Variants in SH3GL2 observed in about 807,000 individuals in gnomAD.
SH3GL2 encodes the protein SH3 domain containing GRB2 like 2, endophilin A1.
Under a neutral mutation model 46.0 loss-of-function variants are expected in SH3GL2, and 24 were observed. The ratio of observed to expected loss-of-function variants is 0.52; its 90% CI spans 0.38 to 0.73. SH3GL2 has a LOEUF of 0.73. SH3GL2 is among the 30% of genes least tolerant of loss of function. SH3GL2 has a pLI of 0.00. For missense variants in SH3GL2, 413 were observed against 424.2 expected, an observed-to-expected ratio of 0.97 and a Z score of 0.23; for synonymous variants, 196 against 147.1, an observed-to-expected ratio of 1.33 and a Z score of -2.40.
intron 1 of SH3GL2, among the ~76,000 whole-genome samples, chr9:17,669,378 C>A (rs971650359): frequency 6.6e-6 from 1 of 152,164 alleles, no homozygotes; most frequent in South Asian, 2.1e-4. Flanking sequence ...AGAGCAGTTT[C>A]ATCACTGCAA....
intron 1 of SH3GL2, among the ~76,000 whole-genome samples, chr9:17,738,468 A>G (rs1588288628): frequency 6.6e-6 from 1 of 150,996 alleles, no homozygotes; most frequent in East Asian, 1.9e-4. Flanking sequence ...ATATACATAC[A>G]TACATACTTA....
chr9:17,718,146 A>T (rs559026413), intron 1 of SH3GL2, among the ~76,000 whole-genome samples: 1 of 152,276 alleles, frequency 6.6e-6, no homozygotes, highest in East Asian at 1.9e-4. Context: ...TGGCAGTTGT[A>T]ATACTTTAGC....
rs886582582 is a variant in SH3GL2, at chr9:17,705,479, A to G, written c.46-41587A>G. On this transcript the variant is annotated intron_variant, in intron 1 of 8. Coordinates refer to ENST00000380607, the MANE Select transcript of SH3GL2 (RefSeq NM_003026.5). ...CAGCAGTATTCACAGTAGTAAAGAC[A>G]TAGAATCAACCTAAATGGACTTGAT... is the stretch of plus-strand genomic sequence containing the variant. Among the ~76,000 whole-genome samples, 4 of 129,168 alleles carry G rather than the reference A, an allele frequency of 3.1e-5. No individual in the cohort carries two copies. The East Asian group carries it at 7.4e-4, about 24-fold the overall frequency. 84.7% of individuals were successfully genotyped at this position (129,168 alleles called of 152,430 possible).
chr9:17,702,534 C>G (rs1821364740), intron 1 of SH3GL2, among the ~76,000 whole-genome samples: 1 of 152,018 alleles, frequency 6.6e-6, no homozygotes, highest in Admixed American at 6.6e-5. Flanking sequence ...TTGTTTCCAT[C>G]TCCCAATTTC....
intron 3 of SH3GL2, among the ~76,000 whole-genome samples, chr9:17,779,204 A>T (rs1054276187): frequency 2.5e-4 from 38 of 152,152 alleles, no homozygotes; most frequent in Non-Finnish European, 2.9e-5. Flanking sequence ...CCAAATCATC[A>T]AGATAGAGAT....
chr9:17,753,992 T>C (rs1822919782), intron 2 of SH3GL2, among the ~76,000 whole-genome samples: 1 of 152,194 alleles, frequency 6.6e-6, no homozygotes, highest in Admixed American at 6.5e-5. Flanking sequence ...TAACTGTAGG[T>C]GTGCAGTTTT....
At chr9:17,745,348 A>G (rs1822651519) in intron 1 of SH3GL2, among the ~76,000 whole-genome samples, 2 of 152,226 alleles carry the variant, frequency 1.3e-5, no homozygotes, top group Non-Finnish European at 2.9e-5. Flanking sequence ...TATGGTAAAC[A>G]GATATACACT....
intron 1 of SH3GL2, among the ~76,000 whole-genome samples, chr9:17,691,122 A>G (rs1186264383): frequency 6.6e-6 from 1 of 152,174 alleles, no homozygotes; most frequent in East Asian, 1.9e-4. Flanking sequence ...TGGTCTCGGC[A>G]GGTGCCACAG....
chr9:17,617,633 G>GA (rs1282795137), intron 1 of SH3GL2, among the ~76,000 whole-genome samples: 2 of 152,124 alleles, frequency 1.3e-5, no homozygotes, highest in African/African-American at 2.4e-5. Context: ...CAGTTTCTGG[G>GA]AAAAAATAGT....
At position 17,761,523 on chromosome 9, in the gene SH3GL2, TTA is replaced by T; in HGVS notation, c.187+18_187+19del. ...AACCCAATCCAGGTAAGGCATCATC[TTA>T]TATGTTTAAAGGATCCCTCGAGGTA... On this transcript the variant is annotated intron_variant, in intron 3 of 8. Coordinates refer to ENST00000380607, the MANE Select transcript of SH3GL2 (RefSeq NM_003026.5). 1.4e-6 allele frequency: 2 copies of T among 1,472,304 alleles called. No homozygotes were observed. Among genetic ancestry groups the T allele is most frequent in the Non-Finnish European group, 9.5e-7 (1 of 1,050,720 alleles). 91.2% of individuals were successfully genotyped at this position (1,472,304 alleles called of 1,614,324 possible).
chr9:17,691,704 A>G (rs1048990240), intron 1 of SH3GL2, among the ~76,000 whole-genome samples: 1 of 152,150 alleles, frequency 6.6e-6, no homozygotes, highest in Non-Finnish European at 1.5e-5. Context: ...ACACTAACAT[A>G]GTTGGTATTT....
chr9:17,622,149 A>G (rs527909440), intron 1 of SH3GL2, among the ~76,000 whole-genome samples: 1 of 152,310 alleles, frequency 6.6e-6, no homozygotes, highest in South Asian at 2.1e-4. Flanking sequence ...TTTAATGAAT[A>G]TGCATTAGGA....
chr9:17,692,042 G>T (rs1032653368), intron 1 of SH3GL2, among the ~76,000 whole-genome samples: 5 of 152,200 alleles, frequency 3.3e-5, no homozygotes, highest in Non-Finnish European at 5.9e-5. Flanking sequence ...GGCATGACCT[G>T]TGTGCACATT....
chr9:17,759,504 A>G (rs1376174533), intron 2 of SH3GL2, among the ~76,000 whole-genome samples: 1 of 152,198 alleles, frequency 6.6e-6, no homozygotes, highest in African/African-American at 2.4e-5. Context: ...TAGGATGGTC[A>G]TTAAGAACAC....
chr9:17,722,808 T>G (rs1183698672), intron 1 of SH3GL2, among the ~76,000 whole-genome samples: 1 of 152,132 alleles, frequency 6.6e-6, no homozygotes, highest in Non-Finnish European at 1.5e-5. Context: ...TATGTCCATA[T>G]CTGACTATAA....
intron 1 of SH3GL2, among the ~76,000 whole-genome samples, chr9:17,741,645 T>A (rs559976824): frequency 3.9e-5 from 6 of 152,324 alleles, no homozygotes; most frequent in Non-Finnish European, 8.8e-5. Context: ...AATTTTTGGT[T>A]TTAGAATAAT....
At chr9:17,624,871 G>C (rs923196827) in intron 1 of SH3GL2, among the ~76,000 whole-genome samples, 3 of 152,174 alleles carry the variant, frequency 2.0e-5, no homozygotes, top group Non-Finnish European at 4.4e-5. Flanking sequence ...CCAGGCTTTG[G>C]GAACTATCCA....
At chr9:17,618,367 A>T (rs3780244) in intron 1 of SH3GL2, among the ~76,000 whole-genome samples, 33,809 of 152,040 alleles carry the variant, frequency 0.22, 4,158 homozygotes, top group South Asian at 0.31. Flanking sequence ...AGAGTTAGGA[A>T]ATTGTTACTT....
At chr9:17,687,159 G>A (rs1345744988) in intron 1 of SH3GL2, among the ~76,000 whole-genome samples, 3 of 152,052 alleles carry the variant, frequency 2.0e-5, no homozygotes, top group South Asian at 2.1e-4. Context: ...CTCACATTAA[G>A]TGTATGCTTT....
Sources: gnomAD v4.1 joint callset for allele counts (sites outside exome capture counted in the v4.1 genomes callset) on GRCh38, gnomAD v4.1.1 for gene constraint, MANE v1.5 for transcripts, NCBI Gene and HGNC (gene_info 2026-07-23, HGNC 2026-07-21) for gene names.